The following LAMA2 variants were observed in gnomAD, a reference collection of about 807,000 sequenced individuals.
The protein encoded by LAMA2 is laminin subunit alpha-2.
Under a neutral mutation model 364.8 loss-of-function variants are expected in LAMA2, and 269 were observed. That is an observed-to-expected ratio of 0.74 (90% confidence interval 0.67 to 0.82). The LOEUF (loss-of-function observed/expected upper bound fraction) is 0.82. Ranked by LOEUF, LAMA2 falls within the 40% of genes least tolerant of loss-of-function variation. The pLI, the probability that LAMA2 is intolerant of heterozygous loss-of-function variation, is 0.00. For missense variants in LAMA2, 3,807 were observed against 3,873.2 expected, an observed-to-expected ratio of 0.98 and a Z score of 0.45; for synonymous variants, 1,379 against 1,370.6, an observed-to-expected ratio of 1.01 and a Z score of -0.14.
intron 55 of LAMA2, among the ~76,000 whole-genome samples, chr6:129,483,276 C>T (rs1784441628): frequency 6.6e-6 from 1 of 150,440 alleles, no homozygotes; most frequent in African/African-American, 2.4e-5. Flanking sequence ...ACATTATAAA[C>T]ATTTGCTATA....
chr6:129,094,440 T>G (rs991315727), intron 3 of LAMA2, among the ~76,000 whole-genome samples: 6 of 152,216 alleles, frequency 3.9e-5, no homozygotes, highest in African/African-American at 1.4e-4. Flanking sequence ...AGAAAGAGTC[T>G]GTGGGGTCTC....
In LAMA2 at chr6:129,280,096, G is replaced by A; in HGVS notation, c.2486G>A (p.Gly829Glu). The A allele has an allele frequency of 6.2e-7, 1 of 1,613,580 alleles. No homozygotes were observed. The highest frequency in any genetic ancestry group is 8.5e-7 in the Non-Finnish European group (1 of 1,179,668). Residue 829 changes from glycine to glutamate, a missense_variant, in exon 18 of 65, where the codon GGA becomes GAA. Gly to Glu is a moderately conservative substitution (Grantham distance 98). This residue lies in a region of LAMA2 where 3,333 missense variants were observed against 3,345.7 expected (regional missense o/e 1.00). Coordinates refer to ENST00000421865, the MANE Select transcript of LAMA2 (RefSeq NM_000426.4). ...ACGTGCCATTTAGACCGGAGTCTTGGATTGATCTGTGATGGATGCCCTGTC... is the reference window on the plus strand; with the variant it reads ...ACGTGCCATTTAGACCGGAGTCTTGAATTGATCTGTGATGGATGCCCTGTC... ...SPTCHLDRSLGLICDGCPVGY... is the reference protein window; with the variant it reads ...SPTCHLDRSLELICDGCPVGY...
chr6:128,915,267 A>G (rs1778236691), intron 1 of LAMA2, among the ~76,000 whole-genome samples: 1 of 152,212 alleles, frequency 6.6e-6, no homozygotes, highest in Non-Finnish European at 1.5e-5. Flanking sequence ...CAGAAAGGTT[A>G]ATGGATAAAA....
intron 22 of LAMA2, among the ~76,000 whole-genome samples, chr6:129,306,359 T>C (rs1177859835): frequency 3.3e-5 from 5 of 150,014 alleles, no homozygotes; most frequent in Admixed American, 6.6e-5. Flanking sequence ...TTTTTTTTTT[T>C]CCGAAGATGT....
At chr6:129,016,814 T>TTACAATAAG (rs1472465851) in intron 1 of LAMA2, among the ~76,000 whole-genome samples, 2 of 151,862 alleles carry the variant, frequency 1.3e-5, no homozygotes, top group Non-Finnish European at 3.0e-5. Context: ...TTTTTATTTA[T>TTACAATAAG]TACAATAAGT....
chr6:129,029,974 TCCTC>T (rs1786109333), intron 1 of LAMA2, among the ~76,000 whole-genome samples: 2 of 152,134 alleles, frequency 1.3e-5, no homozygotes, highest in South Asian at 4.1e-4. Flanking sequence ...AAAAAAGAGT[TCCTC>T]CCTTTTGAAA....
intron 5 of LAMA2, among the ~76,000 whole-genome samples, chr6:129,146,019 C>T (rs1778410610): frequency 6.7e-6 from 1 of 149,930 alleles, no homozygotes; most frequent in African/African-American, 2.5e-5. Context: ...GATAACATAA[C>T]AAAAATATTT....
intron 53 of LAMA2, among the ~76,000 whole-genome samples, chr6:129,476,623 T>C (rs1354978993): frequency 7.2e-5 from 11 of 152,172 alleles, no homozygotes; most frequent in Non-Finnish European, 1.3e-4. Flanking sequence ...ATATAACTTG[T>C]AGGAGTGATT....
intron 1 of LAMA2, among the ~76,000 whole-genome samples, chr6:128,964,286 C>A (rs1307176056): frequency 6.6e-6 from 1 of 151,902 alleles, no homozygotes; most frequent in African/African-American, 2.4e-5. Flanking sequence ...CTGTATTTTC[C>A]GACTGACTTG....
chr6:129,009,746 T>A (rs933738173), intron 1 of LAMA2, among the ~76,000 whole-genome samples: 6 of 152,156 alleles, frequency 3.9e-5, no homozygotes, highest in Non-Finnish European at 8.8e-5. Context: ...ATATACAAAA[T>A]GTGATTCTTA....
chr6:129,468,134 G>A (rs1783637267), intron 51 of LAMA2, among the ~76,000 whole-genome samples: 1 of 151,802 alleles, frequency 6.6e-6, no homozygotes, highest in African/African-American at 2.4e-5. Context: ...GCACCAAGCA[G>A]TCATTCTCAC....
At chr6:129,246,529 A>G (rs1177963178) in intron 12 of LAMA2, among the ~76,000 whole-genome samples, 3 of 152,192 alleles carry the variant, frequency 2.0e-5, no homozygotes, top group Non-Finnish European at 4.4e-5. Context: ...GGGTAGATAG[A>G]TCCTAGAGGC....
chr6:128,941,659 T>A (rs1384117256), intron 1 of LAMA2, among the ~76,000 whole-genome samples: 1 of 152,156 alleles, frequency 6.6e-6, no homozygotes, highest in African/African-American at 2.4e-5. Flanking sequence ...AAAAAATAGA[T>A]GTGCTCAGAA....
At chr6:128,913,486 C>A (rs1170444762) in intron 1 of LAMA2, among the ~76,000 whole-genome samples, 3 of 152,130 alleles carry the variant, frequency 2.0e-5, no homozygotes, top group African/African-American at 7.2e-5. Context: ...AACTTTGCTT[C>A]ATTGTTGTTT....
At chr6:129,034,365 T>A (rs948841317) in intron 1 of LAMA2, among the ~76,000 whole-genome samples, 1 of 152,168 alleles carries the variant, frequency 6.6e-6, no homozygotes, top group African/African-American at 2.4e-5. Flanking sequence ...AACACATTAT[T>A]TGAAGTCACT....
chr6:129,219,620 A>G (rs1045592402), intron 12 of LAMA2, among the ~76,000 whole-genome samples: 1 of 147,482 alleles, frequency 6.8e-6, no homozygotes, highest in Non-Finnish European at 1.5e-5. Flanking sequence ...AATGTGGCAC[A>G]TATACACCAT....
At chr6:129,030,663 G>A (rs1319649314) in intron 1 of LAMA2, among the ~76,000 whole-genome samples, 1 of 152,114 alleles carries the variant, frequency 6.6e-6, no homozygotes, top group Non-Finnish European at 1.5e-5. Context: ...TACATAACAT[G>A]TGACAAAGAA....
chr6:128,895,310 C>T (rs1045738956), intron 1 of LAMA2, among the ~76,000 whole-genome samples: 2 of 151,992 alleles, frequency 1.3e-5, no homozygotes, highest in African/African-American at 4.8e-5. Flanking sequence ...CACAGTTGGA[C>T]ATATGATGTT....
chr6:129,366,077 T>C, intron 32 of LAMA2, 142 bp from the exon 33 acceptor site: 2 of 859,340 alleles, frequency 2.3e-6, no homozygotes, highest in South Asian at 2.9e-5. Context: ...ATCCATTTGA[T>C]AGCATTAATA....
Sources: gnomAD v4.1 joint callset for allele counts (sites outside exome capture counted in the v4.1 genomes callset) on GRCh38, gnomAD v4.1.1 for gene constraint, gnomAD v4.1.1 regional missense constraint, MANE v1.5 for transcripts, NCBI Gene and HGNC (gene_info 2026-07-23, HGNC 2026-07-21) for gene names.